The following NAALADL2 variants were observed in gnomAD, a reference collection of about 807,000 sequenced individuals.
NAALADL2 encodes the protein N-acetylated alpha-linked acidic dipeptidase like 2.
NAALADL2 carries 76 observed loss-of-function variants against 87.2 expected under a neutral mutation model. The observed-to-expected ratio is 0.87, with a 90% confidence interval of 0.72 to 1.05. The LOEUF (loss-of-function observed/expected upper bound fraction) is 1.05, where lower values mean the gene tolerates loss of function less well. Ranked by LOEUF, NAALADL2 falls within the 50% of genes least tolerant of loss-of-function variation. The pLI, the probability that NAALADL2 is intolerant of heterozygous loss-of-function variation, is 0.00. For synonymous variants in NAALADL2, 354 were observed against 331.0 expected (o/e 1.07, Z -0.75); for missense variants, 1,089 against 945.8 (o/e 1.15, Z -1.99).
chr3:175,617,726 T>C lies in NAALADL2; in HGVS notation c.1801-9565T>C, dbSNP rs187783490. ...CTGATATCAAGGGCCACCTGAGTAA[T>C]AAACTTGTACTTTAGGATTAAGTGT... On this transcript the variant is annotated intron_variant, in intron 10 of 13. Coordinates refer to ENST00000454872, the MANE Select transcript of NAALADL2 (RefSeq NM_207015.3). 8.8e-4 allele frequency among the ~76,000 whole-genome samples: 134 copies of C among 152,292 alleles called. 1 individual carries two copies. Among genetic ancestry groups the C allele is most frequent in the Non-Finnish European group, 1.6e-3 (109 of 68,018 alleles).
intron 2 of NAALADL2, among the ~76,000 whole-genome samples, chr3:174,698,964 C>T (rs866466845): frequency 4.5e-5 from 6 of 133,738 alleles, no homozygotes; most frequent in South Asian, 2.5e-4. Context: ...TGTGTGTGTG[C>T]GTGTATATAT....
intron 10 of NAALADL2, among the ~76,000 whole-genome samples, chr3:175,610,034 C>T (rs572340457): frequency 6.6e-6 from 1 of 152,164 alleles, no homozygotes; most frequent in African/African-American, 2.4e-5. Context: ...TTCCAGCCCT[C>T]AAATATCAAT....
chr3:174,574,782 A>G (rs910506816), intron 2 of NAALADL2, among the ~76,000 whole-genome samples: 3 of 152,114 alleles, frequency 2.0e-5, no homozygotes, highest in Non-Finnish European at 4.4e-5. Flanking sequence ...ATCAGACATT[A>G]TGTACTGATT....
intron 5 of NAALADL2, among the ~76,000 whole-genome samples, chr3:175,388,398 T>G (rs185024375): frequency 6.6e-6 from 1 of 152,214 alleles, no homozygotes; most frequent in East Asian, 1.9e-4. Context: ...TTGCTAGACA[T>G]TATGTATGCT....
intron 3 of NAALADL2, among the ~76,000 whole-genome samples, chr3:175,249,869 C>G (rs1314495912): frequency 6.6e-6 from 1 of 152,042 alleles, no homozygotes; most frequent in South Asian, 2.1e-4. Context: ...GGGTCCTGAT[C>G]TGATAAGATT....
chr3:175,529,718 C>T (rs994975200), intron 9 of NAALADL2, among the ~76,000 whole-genome samples: 34 of 152,112 alleles, frequency 2.2e-4, no homozygotes, highest in African/African-American at 7.5e-4. Context: ...CTTCTTTAGC[C>T]GTAAAGTAAG....
chr3:175,378,549 G>A (rs1005813357), intron 5 of NAALADL2, among the ~76,000 whole-genome samples: 1 of 152,184 alleles, frequency 6.6e-6, no homozygotes, highest in Non-Finnish European at 1.5e-5. Flanking sequence ...AGCTTAGATT[G>A]CATCTGAAGT....
At position 175,809,511 on chromosome 3, in the gene NAALADL2, TAA is replaced by T. The variant is rs1297830446; in HGVS notation, c.*6335_*6336del. The T allele has an allele frequency of 9.5e-5, 3 of 31,506 alleles. No homozygotes were observed. The highest frequency in any genetic ancestry group is 1.3e-4 in the African/African-American group (1 of 7,584). The allele number at this position is 31,506 out of a possible 1,614,324, so 2.0% of individuals were successfully genotyped here. A position where few individuals can be genotyped will look rare whatever the true frequency, so the allele number is the denominator to read the frequency against. The stretch of plus-strand genomic sequence containing the variant: ...CAACAAAGTGAGACCCTGTCTCTCT[TAA>T]AAAAAAAAAAAAAAAAAAAAAAAAA... On this transcript the variant is annotated 3_prime_UTR_variant, in exon 14 of 14. Transcript: ENST00000454872.
chr3:174,553,033 T>C (rs1002863082), intron 2 of NAALADL2, among the ~76,000 whole-genome samples: 12 of 152,130 alleles, frequency 7.9e-5, no homozygotes, highest in African/African-American at 2.9e-4. Flanking sequence ...TGGTGGACTT[T>C]TGTGTCTCCA....
At chr3:174,519,407 C>T (rs79214384) in intron 1 of NAALADL2, among the ~76,000 whole-genome samples, 13,345 of 150,330 alleles carry the variant, frequency 0.089, 679 homozygotes, top group African/African-American at 0.13. Context: ...TGGCTCACAG[C>T]AATCTCTGCT....
rs556732814 is a variant in NAALADL2, at chr3:175,377,890, C to T, written c.1090+53565C>T. 1.2e-3 allele frequency among the ~76,000 whole-genome samples: 177 copies of T among 152,278 alleles called. 1 individual carries two copies. Among genetic ancestry groups the T allele is most frequent in the African/African-American group, 4.2e-3 (174 of 41,554 alleles). On this transcript the variant is annotated intron_variant, in intron 5 of 13. Coordinates refer to ENST00000454872, the MANE Select transcript of NAALADL2 (RefSeq NM_207015.3). ...GGGAAGATTACCTTCCCACCCCATC[C>T]CCTTTTCAGCTCCTCTTCCTACTGA...
chr3:174,498,432 A>G (rs1219459902), intron 1 of NAALADL2, among the ~76,000 whole-genome samples: 1 of 151,840 alleles, frequency 6.6e-6, no homozygotes, highest in Non-Finnish European at 1.5e-5. Context: ...CAATTTGTTA[A>G]TTCTTTTTCC....
chr3:175,696,688 A>T (rs1201637092), intron 11 of NAALADL2, among the ~76,000 whole-genome samples: 1 of 152,166 alleles, frequency 6.6e-6, no homozygotes, highest in Non-Finnish European at 1.5e-5. Flanking sequence ...ATTTAAGATG[A>T]CGACTTACTG....
At chr3:175,107,511 TACACACACACACACACACACACAAAC>T (rs1242802872) in intron 2 of NAALADL2, among the ~76,000 whole-genome samples, 9 of 117,378 alleles carry the variant, frequency 7.7e-5, no homozygotes, top group African/African-American at 2.8e-4. Context: ...AACACACACA[TACACACACACACACACACACACAAAC>T]ACACACACAC....
At chr3:175,368,572 AGTGTGT>A (rs3068008) in intron 5 of NAALADL2, among the ~76,000 whole-genome samples, 4 of 149,532 alleles carry the variant, frequency 2.7e-5, no homozygotes, top group Non-Finnish European at 3.0e-5. Context: ...GGTGTGTGTG[AGTGTGT>A]GTGTGTGTGT....
At chr3:174,803,239 A>G (rs1003920619) in intron 3 of NAALADL2, among the ~76,000 whole-genome samples, 6 of 152,108 alleles carry the variant, frequency 3.9e-5, no homozygotes, top group African/African-American at 1.4e-4. Context: ...GTGATGATGA[A>G]CATTTTTTCA....
intron 4 of NAALADL2, among the ~76,000 whole-genome samples, chr3:175,264,521 C>T (rs1005792750): frequency 6.6e-6 from 1 of 151,612 alleles, no homozygotes; most frequent in African/African-American, 2.4e-5. Flanking sequence ...CAAGACTGCA[C>T]CTTTGTGTTA....
At chr3:175,316,527 C>T (rs1157111131) in intron 4 of NAALADL2, among the ~76,000 whole-genome samples, 2 of 151,958 alleles carry the variant, frequency 1.3e-5, no homozygotes, top group African/African-American at 4.8e-5. Context: ...AAGACTTGAC[C>T]CCGTTTTTCA....
chr3:174,846,959 G>C (rs529932892), intron 3 of NAALADL2, among the ~76,000 whole-genome samples: 24 of 152,240 alleles, frequency 1.6e-4, no homozygotes, highest in African/African-American at 5.5e-4. Flanking sequence ...TCACCTAGAG[G>C]AAATGGAAAG....
Sources: allele counts gnomAD v4.1 joint callset (sites outside exome capture counted in the v4.1 genomes callset), GRCh38; gene constraint gnomAD v4.1.1; transcripts MANE v1.5; gene names NCBI Gene and HGNC (gene_info 2026-07-23, HGNC 2026-07-21).